Variants in TGFBR2 observed in about 807,000 individuals in gnomAD.
TGFBR2 encodes the protein transforming growth factor beta receptor 2.
A neutral mutation model predicts 49.0 loss-of-function variants in TGFBR2; 18 were observed. The observed-to-expected ratio is 0.37, with a 90% CI of 0.25 to 0.54. The LOEUF (loss-of-function observed/expected upper bound fraction) is 0.54. Among genes scored for constraint, TGFBR2 ranks in the 20% least tolerant of loss-of-function variants. The probability of loss-of-function intolerance (pLI) is 0.85; values close to 1 mark genes in which losing one functional copy is unlikely to be tolerated. For synonymous variants in TGFBR2, 282 were observed against 275.9 expected, an observed-to-expected ratio of 1.02 and a Z score of -0.22; for missense variants, 525 against 722.6, an observed-to-expected ratio of 0.73 and a Z score of 3.13.
chr3:30,644,707 C>A, intron 1 of TGFBR2, 40 bp from the exon 2 acceptor site: 1 of 1,592,900 alleles, frequency 6.3e-7, no homozygotes, highest in South Asian at 1.1e-5. Flanking sequence ...GGCTGCCTGG[C>A]AGTTGGATAA....
At chr3:30,631,188 G>A (rs1190921753) in intron 1 of TGFBR2, among the ~76,000 whole-genome samples, 1 of 151,746 alleles carries the variant, frequency 6.6e-6, no homozygotes, top group African/African-American at 2.4e-5. Flanking sequence ...CTACAGGCAC[G>A]CACCATCAAG....
chr3:30,692,073 G>A lies in TGFBR2; in HGVS notation c.*474G>A, dbSNP rs1158099129. 1 of 226,114 alleles carries A rather than the reference G, an allele frequency of 4.4e-6. No individual in the cohort carries two copies. Among genetic ancestry groups the A allele is most frequent in the African/African-American group, 2.2e-5 (1 of 44,828 alleles). 14.0% of individuals were successfully genotyped at this position (226,114 alleles called of 1,614,324 possible). A position where few individuals can be genotyped will look rare whatever the true frequency, so the allele number is the denominator to read the frequency against. ...GGGACCCATGACAGCATTAGCATTT[G>A]ACAATCACACATGCAGTGGTTCTCT... On this transcript the variant is annotated 3_prime_UTR_variant, in exon 7 of 7. Coordinates refer to ENST00000295754, the MANE Select transcript of TGFBR2 (RefSeq NM_003242.6).
At chr3:30,669,964 C>A (rs1387913451) in intron 3 of TGFBR2, among the ~76,000 whole-genome samples, 1 of 152,102 alleles carries the variant, frequency 6.6e-6, no homozygotes, top group East Asian at 1.9e-4. Context: ...TCTACCTGGA[C>A]TATATTCTCA....
intron 1 of TGFBR2, among the ~76,000 whole-genome samples, chr3:30,639,691 A>G (rs1464755243): frequency 1.3e-5 from 2 of 152,244 alleles, no homozygotes; most frequent in Admixed American, 6.5e-5. Context: ...TACTATGAAT[A>G]TATAACACTA....
intron 5 of TGFBR2, among the ~76,000 whole-genome samples, chr3:30,682,730 T>C (rs1699560363): frequency 6.6e-6 from 1 of 152,202 alleles, no homozygotes. Flanking sequence ...GGGTAAATAA[T>C]ACCAGCTAAG....
intron 5 of TGFBR2, among the ~76,000 whole-genome samples, chr3:30,677,503 C>T (rs770869024): frequency 6.6e-6 from 1 of 152,196 alleles, no homozygotes; most frequent in Non-Finnish European, 1.5e-5. Context: ...GACACAAAGC[C>T]GTTCACTTGA....
intron 5 of TGFBR2, among the ~76,000 whole-genome samples, chr3:30,675,726 CTTAG>C (rs1699428148): frequency 6.6e-6 from 1 of 152,156 alleles, no homozygotes; most frequent in Non-Finnish European, 1.5e-5. Flanking sequence ...TAATTTTAGA[CTTAG>C]AAAATAGTTG....
At chr3:30,652,227 T>C (rs771170861) in intron 3 of TGFBR2, among the ~76,000 whole-genome samples, 193 of 128,714 alleles carry the variant, frequency 1.5e-3, no homozygotes, top group Non-Finnish European at 2.5e-3. Context: ...TTTTCTTTTC[T>C]GGTTGTTTTT....
chr3:30,670,734 G>A (rs1054833259), intron 3 of TGFBR2, among the ~76,000 whole-genome samples: 31 of 152,226 alleles, frequency 2.0e-4, no homozygotes, highest in African/African-American at 6.8e-4. Context: ...GCCCACAGGG[G>A]CCTGCTTCAG....
chr3:30,662,204 T>A (rs560105059), intron 3 of TGFBR2, among the ~76,000 whole-genome samples: 1 of 152,374 alleles, frequency 6.6e-6, no homozygotes, highest in South Asian at 2.1e-4. Context: ...ATATTTAGAC[T>A]TTATCCCAAT....
intron 2 of TGFBR2, among the ~76,000 whole-genome samples, chr3:30,648,450 ACACACACACAC>A (rs1698814880): frequency 2.7e-5 from 4 of 150,134 alleles, no homozygotes; most frequent in African/African-American, 9.9e-5. Flanking sequence ...ACACACACAC[ACACACACACAC>A]AAAACTGTGG....
chr3:30,639,280 CTAATCTCAT>C (rs1698601074), intron 1 of TGFBR2, among the ~76,000 whole-genome samples: 1 of 152,264 alleles, frequency 6.6e-6, no homozygotes, highest in African/African-American at 2.4e-5. Context: ...CTGGTGCCCA[CTAATCTCAT>C]TGTTGCTGTG....
At chr3:30,679,993 GC>G (rs1699510937) in intron 5 of TGFBR2, among the ~76,000 whole-genome samples, 1 of 152,202 alleles carries the variant, frequency 6.6e-6, no homozygotes, top group Admixed American at 6.5e-5. Flanking sequence ...AGGCATGGTG[GC>G]GGGTGCCTGT....
At chr3:30,650,197 A>C in intron 2 of TGFBR2, 73 bp from the exon 3 acceptor site, 20 of 1,425,568 alleles carry the variant, frequency 1.4e-5, no homozygotes, top group Non-Finnish European at 1.9e-5. Flanking sequence ...TTCTGTCTGG[A>C]GGCCATATTA....
intron 1 of TGFBR2, among the ~76,000 whole-genome samples, chr3:30,627,062 CT>C (rs1388875802): frequency 1.3e-5 from 2 of 152,040 alleles, no homozygotes; most frequent in Non-Finnish European, 2.9e-5. Context: ...AAATCCCTTT[CT>C]TTTTTTCCCA....
chr3:30,687,924 T>C (rs964129926), intron 5 of TGFBR2, among the ~76,000 whole-genome samples: 6 of 152,236 alleles, frequency 3.9e-5, no homozygotes, highest in Non-Finnish European at 7.3e-5. Flanking sequence ...TCATTCCTTT[T>C]TATGCCTCAA....
At chr3:30,633,586 G>A (rs1313672167) in intron 1 of TGFBR2, among the ~76,000 whole-genome samples, 2 of 152,172 alleles carry the variant, frequency 1.3e-5, no homozygotes, top group Non-Finnish European at 2.9e-5. Flanking sequence ...GGGAGTAGGT[G>A]ACATGAAGGA....
chr3:30,660,140 T>A (rs1699093229), intron 3 of TGFBR2, among the ~76,000 whole-genome samples: 1 of 152,248 alleles, frequency 6.6e-6, no homozygotes, highest in Non-Finnish European at 1.5e-5. Context: ...TATCTACTTT[T>A]AAAAATATAC....
At chr3:30,623,188 C>T (rs1396742235) in intron 1 of TGFBR2, 2 of 1,389,076 alleles carry the variant, frequency 1.4e-6, no homozygotes, top group African/African-American at 1.4e-5. Context: ...TATAATTATC[C>T]TGTTTTACAG....
Sources: allele counts gnomAD v4.1 joint callset (sites outside exome capture counted in the v4.1 genomes callset), GRCh38; gene constraint gnomAD v4.1.1; transcripts MANE v1.5; gene names NCBI Gene and HGNC (gene_info 2026-07-23, HGNC 2026-07-21).